Variants in CNGB1 observed in about 807,000 individuals in gnomAD.
CNGB1 encodes cyclic nucleotide-gated channel beta-1.
Under a neutral mutation model 151.7 loss-of-function variants are expected in CNGB1, and 126 were observed. The observed-to-expected ratio is 0.83, with a 90% CI of 0.72 to 0.96. CNGB1 has a LOEUF of 0.96. Ranked by LOEUF, CNGB1 falls within the 40% of genes least tolerant of loss-of-function variation. The probability of loss-of-function intolerance (pLI) is 0.00; values close to 1 mark genes in which losing one functional copy is unlikely to be tolerated. For synonymous variants in CNGB1, 623 were observed against 635.1 expected (o/e 0.98, Z 0.29); for missense variants, 1,698 against 1,627.0 (o/e 1.04, Z -0.75).
Position 57,940,233 on chromosome 16 carries a change from C to T in CNGB1, c.1209+1G>A. 6.4e-7 allele frequency: 1 copy of T among 1,564,012 alleles called. No individual in the cohort carries two copies. The highest frequency in any genetic ancestry group is 8.7e-7 in the Non-Finnish European group (1 of 1,153,926). The stretch of plus-strand genomic sequence containing the variant: ...GTGCCAGTGCCTGGTGCTTCTCATA[C>T]CTGATCTGAAGTGCTCTGGGGCCGG... On this transcript the variant is annotated splice_donor_variant, in intron 15 of 32. Coordinates refer to ENST00000251102, the MANE Select transcript of CNGB1 (RefSeq NM_001297.5). LOFTEE classifies it high-confidence loss of function.
intron 18 of CNGB1, 136 bp downstream of exon 18, chr16:57,923,118 GCCTGGGCAGGCGACCGATC>G: frequency 1.8e-6 from 1 of 551,296 alleles, no homozygotes. Context: ...GCCAGAAGCA[GCCTGGGCAGGCGACCGATC>G]CCGACTTACT....
chr16:57,916,007 G>A, intron 22 of CNGB1, 122 bp downstream of exon 22: 3 of 944,026 alleles, frequency 3.2e-6, no homozygotes, highest in Non-Finnish European at 3.5e-6. Context: ...ACTCCCACAG[G>A]GACCAGCATC....
rs1596997227 is a variant in CNGB1 at position 57,939,710 on chromosome 16, T to A, written c.1210-118A>T. On this transcript the variant is annotated intron_variant, in intron 15 of 32. Coordinates refer to ENST00000251102, the MANE Select transcript of CNGB1 (RefSeq NM_001297.5). ...ATGGGCCCAGTTCTGCTTCTTGCCC[T>A]GCCCAGCCAGTCAGGTCCTGCCAGC... is the stretch of plus-strand genomic sequence containing the variant. 5 of 1,412,434 alleles carry A rather than the reference T, an allele frequency of 3.5e-6. No individual in the cohort carries two copies. The East Asian group carries it at 1.1e-4, about 32-fold the overall frequency. 87.5% of individuals were successfully genotyped at this position (1,412,434 alleles called of 1,614,324 possible). A position where few individuals can be genotyped will look rare whatever the true frequency, so the allele number is the denominator to read the frequency against.
chr16:57,951,971 G>A (rs983734160), intron 12 of CNGB1, among the ~76,000 whole-genome samples: 2 of 152,158 alleles, frequency 1.3e-5, no homozygotes, highest in African/African-American at 2.4e-5. Flanking sequence ...CCCTGCAAAC[G>A]CCCCTGGGGT....
chr16:57,958,711 A>T (rs1202036642), intron 10 of CNGB1, among the ~76,000 whole-genome samples: 1 of 45,648 alleles, frequency 2.2e-5, no homozygotes, highest in Non-Finnish European at 5.5e-5. Context: ...GCCTCCCCCC[A>T]CCCTCCCACC....
intron 24 of CNGB1, among the ~76,000 whole-genome samples, chr16:57,912,285 C>T (rs1382882622): frequency 1.3e-5 from 2 of 152,216 alleles, no homozygotes; most frequent in Non-Finnish European, 2.9e-5. Flanking sequence ...CGCCACCTTA[C>T]ACCTGTTCCC....
intron 2 of CNGB1, among the ~76,000 whole-genome samples, chr16:57,965,798 T>C (rs1174381751): frequency 6.6e-6 from 1 of 152,172 alleles, no homozygotes; most frequent in East Asian, 1.9e-4. Flanking sequence ...TACTAATACA[T>C]GTGCACATAA....
At chr16:57,945,679 G>C (rs1961788518) in intron 14 of CNGB1, among the ~76,000 whole-genome samples, 1 of 152,232 alleles carries the variant, frequency 6.6e-6, no homozygotes, top group Admixed American at 6.5e-5. Flanking sequence ...GTAATGCCAA[G>C]AATCCCAGCT....
rs779955384 is a variant in CNGB1, at chr16:57,904,887, G to A, written c.2493-12C>T. ...AACAGCGAATATAACTGGAGAGAGA[G>A]GAGAAAGGGAACATGGGTCATCACA... On this transcript the variant is annotated splice_polypyrimidine_tract_variant and intron_variant, in intron 25 of 32. Coordinates refer to ENST00000251102, the MANE Select transcript of CNGB1 (RefSeq NM_001297.5). The A allele has an allele frequency of 1.9e-6, 3 of 1,614,168 alleles. No homozygotes were observed. The highest frequency in any genetic ancestry group is 2.5e-6 in the Non-Finnish European group (3 of 1,180,030).
intron 17 of CNGB1, among the ~76,000 whole-genome samples, chr16:57,927,580 G>A (rs2149370028): frequency 6.6e-6 from 1 of 152,324 alleles, no homozygotes; most frequent in East Asian, 1.9e-4. Flanking sequence ...TGTATCCCCA[G>A]CACCCAGGGC....
intron 7 of CNGB1, among the ~76,000 whole-genome samples, chr16:57,961,787 A>C (rs1962263826): frequency 6.6e-6 from 1 of 152,184 alleles, no homozygotes; most frequent in Non-Finnish European, 1.5e-5. Flanking sequence ...TTCAGTAGTG[A>C]CCAGGACAAA....
chr16:57,959,479 G>A lies in CNGB1; in HGVS notation c.761+409C>T, dbSNP rs566236234. On this transcript the variant is annotated intron_variant, in intron 10 of 32. Coordinates refer to ENST00000251102, the MANE Select transcript of CNGB1 (RefSeq NM_001297.5). The stretch of plus-strand genomic sequence containing the variant: ...AAATACAAAAGTTAGCCGGGCACCT[G>A]TAATCCCAGCTACTCAGGAGGCTGA... 4.6e-5 allele frequency among the ~76,000 whole-genome samples: 7 copies of A among 152,258 alleles called. No individual in the cohort carries two copies. The South Asian group carries it at 1.5e-3, about 32-fold the overall frequency.
At chr16:57,920,977 G>A (rs1292612860) in intron 18 of CNGB1, among the ~76,000 whole-genome samples, 1 of 152,070 alleles carries the variant, frequency 6.6e-6, no homozygotes, top group East Asian at 1.9e-4. Context: ...TGTAACTGGT[G>A]GAAAAAGCAG....
chr16:57,904,332 T>C (rs1324749060), intron 26 of CNGB1, among the ~76,000 whole-genome samples: 5 of 152,002 alleles, frequency 3.3e-5, no homozygotes, highest in Admixed American at 3.3e-4. Context: ...CTGGAGGAAA[T>C]AGGAAGCCAG....
chr16:57,961,299 G>A (rs531225636), intron 7 of CNGB1, among the ~76,000 whole-genome samples: 33 of 152,320 alleles, frequency 2.2e-4, no homozygotes, highest in Non-Finnish European at 3.7e-4. Context: ...CCTGGTTTTG[G>A]TTTCATACTC....
intron 16 of CNGB1, among the ~76,000 whole-genome samples, chr16:57,938,836 C>A (rs567263286): frequency 4.3e-4 from 65 of 152,288 alleles, no homozygotes; most frequent in African/African-American, 1.5e-3. Context: ...CTCCTTGGGA[C>A]TCTTTCTCCG....
At chr16:57,965,903 C>CT (rs1962386249) in intron 2 of CNGB1, among the ~76,000 whole-genome samples, 1 of 152,222 alleles carries the variant, frequency 6.6e-6, no homozygotes, top group Non-Finnish European at 1.5e-5. Flanking sequence ...TGTGTGCACA[C>CT]ACAGACATAC....
intron 14 of CNGB1, among the ~76,000 whole-genome samples, chr16:57,943,818 T>C (rs972180195): frequency 6.6e-6 from 1 of 152,030 alleles, no homozygotes; most frequent in Admixed American, 6.6e-5. Flanking sequence ...ATGATTCAGC[T>C]GTTGGGTACA....
chr16:57,895,540 A>C (rs7199956), intron 31 of CNGB1, among the ~76,000 whole-genome samples: 1,848 of 147,706 alleles, frequency 0.013, 19 homozygotes, highest in Non-Finnish European at 0.02. Context: ...AATATATTAT[A>C]TATGTATTTT....
Sources: gnomAD v4.1 joint callset for allele counts (sites outside exome capture counted in the v4.1 genomes callset) on GRCh38, gnomAD v4.1.1 for gene constraint, MANE v1.5 for transcripts, NCBI Gene and HGNC (gene_info 2026-07-23, HGNC 2026-07-21) for gene names.